The following CR1 variants were observed in gnomAD, a reference collection of about 807,000 sequenced individuals.
CR1 encodes the protein complement receptor type 1.
Under a neutral mutation model 187.3 loss-of-function variants are expected in CR1, and 116 were observed. The observed-to-expected ratio is 0.62, with a 90% confidence interval of 0.53 to 0.72. CR1 has a LOEUF of 0.72. CR1 is among the 30% of genes least tolerant of loss of function. The pLI is 0.00. For missense variants in CR1, 1,731 were observed against 2,110.7 expected (o/e 0.82, Z 3.52); for synonymous variants, 576 against 747.1 (o/e 0.77, Z 3.73).
intron 32 of CR1, among the ~76,000 whole-genome samples, chr1:207,582,903 G>A (rs1319154230): frequency 6.6e-6 from 1 of 152,180 alleles, no homozygotes; most frequent in Non-Finnish European, 1.5e-5. Context: ...GGGAATGGGG[G>A]AAATCAAAAG....
chr1:207,634,168 C>T (rs978402616), intron 46 of CR1, among the ~76,000 whole-genome samples: 6 of 152,206 alleles, frequency 3.9e-5, no homozygotes, highest in Non-Finnish European at 5.9e-5. Context: ...ACAGGGGATG[C>T]GATGGCTTGG....
rs1661059225 is a variant in CR1, at chr1:207,584,733, T to C, written c.5387T>C (p.Ile1796Thr). The change falls in exon 33 of 47, where the codon ATA (isoleucine) becomes ACA (threonine). Residue 1796 changes from isoleucine (I) to threonine (T), a missense_variant. Physicochemically the swap from Ile to Thr is moderately conservative, Grantham distance 89 (BLOSUM62 -1). Around this residue, in one of 5 missense-constraint regions of CR1, gnomAD observed 1,312 missense variants for 1,379.6 expected, o/e 0.95. Coordinates refer to ENST00000367049, the MANE Select transcript of CR1 (RefSeq NM_000651.6). ...PSGDIPYGKE[I>T]SYTCDPHPDR... ...GGAGATATTCCCTATGGAAAAGAAA[T>C]ATCTTACACATGTGACCCCCACCCA... 1.2e-6 allele frequency: 2 copies of C among 1,613,694 alleles called. No individual in the cohort carries two copies. Among genetic ancestry groups the C allele is most frequent in the South Asian group, 1.1e-5 (1 of 91,078 alleles).
intron 29 of CR1, among the ~76,000 whole-genome samples, chr1:207,579,507 G>A (rs904279860): frequency 2.0e-5 from 3 of 152,184 alleles, no homozygotes; most frequent in African/African-American, 7.2e-5. Flanking sequence ...AGCAGATGGC[G>A]ATGAAAGCAA....
At chr1:207,503,049 G>A (rs560205883) in intron 1 of CR1, among the ~76,000 whole-genome samples, 3 of 152,140 alleles carry the variant, frequency 2.0e-5, no homozygotes, top group East Asian at 1.9e-4. Flanking sequence ...CCACTTTAGC[G>A]GAATAATCGA....
rs372603184 is a variant in CR1, at chr1:207,584,831, G to A, written c.5485G>A (p.Val1829Ile). The A allele has an allele frequency of 1.6e-5, 26 of 1,613,844 alleles. No individual in the cohort carries two copies. The highest frequency in any genetic ancestry group is 3.3e-5 in the Admixed American group (2 of 60,004). Residue 1829 changes from valine (V) to isoleucine (I), a missense_variant, in exon 33 of 47, where the codon GTT becomes ATT. Coordinates refer to ENST00000367049, the MANE Select transcript of CR1 (RefSeq NM_000651.6). ...RCTSDPHGNG[V>I]WSSPAPRCEL... ...CACAAGTGACCCTCATGGGAATGGG[G>A]TTTGGAGCAGCCCTGCCCCTCGCTG...
chr1:207,614,585 C>T (rs1662040522), intron 40 of CR1, 96 bp downstream of exon 40: 2 of 907,062 alleles, frequency 2.2e-6, no homozygotes, highest in Non-Finnish European at 3.4e-6. Flanking sequence ...TAGATCTTTA[C>T]TTAACTAAAT....
intron 35 of CR1, among the ~76,000 whole-genome samples, chr1:207,594,413 T>G (rs1196253460): frequency 6.6e-6 from 1 of 152,044 alleles, no homozygotes; most frequent in Non-Finnish European, 1.5e-5. Context: ...TGAGAACACA[T>G]GGACACACCG....
Position 207,618,099 on chromosome 1 carries a change from C to A in CR1, c.6918C>A (p.Asn2306Lys). The change falls in exon 42 of 47, where the codon AAC becomes AAA. Residue 2306 changes from asparagine to lysine, a missense_variant. Asn to Lys is a moderately conservative substitution (Grantham distance 94, BLOSUM62 0). Transcript: ENST00000367049. The part of the protein sequence containing the change: ...AACPHPPKIQ[N>K]GHYIGGHVSL... ...GCCCACATCCACCCAAGATCCAAAA[C>A]GGGCATTACATTGGAGGACACGTAT... 6.2e-7 allele frequency: 1 copy of A among 1,613,366 alleles called. No individual in the cohort carries two copies. The highest frequency in any genetic ancestry group is 8.5e-7 in the Non-Finnish European group (1 of 1,179,644).
chr1:207,568,089 C>T lies in CR1; in HGVS notation c.4171+47C>T. ...TCCCTAATGGGTTCAGAATATCTAA[C>T]CCAGCCCCTCCATATTTCCATAATT... On this transcript the variant is annotated intron_variant, in intron 25 of 46. Transcript: ENST00000367049. 8 of 1,610,656 alleles carry T rather than the reference C, an allele frequency of 5.0e-6. 1 individual carries two copies. The highest frequency in any genetic ancestry group is 5.1e-6 in the Non-Finnish European group (6 of 1,179,566).
chr1:207,516,551 A>G (rs1456547010), intron 4 of CR1, among the ~76,000 whole-genome samples: 1 of 152,190 alleles, frequency 6.6e-6, no homozygotes, highest in Non-Finnish European at 1.5e-5. Context: ...TTGAATTTGT[A>G]TTAAGTTTCT....
intron 35 of CR1, among the ~76,000 whole-genome samples, chr1:207,590,704 AT>A (rs149976816): frequency 0.029 from 4,429 of 152,302 alleles, 214 homozygotes; most frequent in African/African-American, 0.099. Context: ...GGTGTGCTGT[AT>A]TCAGGAGACC....
rs757477710 is a variant in CR1, at chr1:207,588,764, T to C, written c.5800T>C (p.Cys1934Arg). Residue 1934 changes from cysteine (C) to arginine (R), a missense_variant, in exon 35 of 47, where the codon TGT (cysteine) becomes CGT (arginine). Cys to Arg is a radical substitution (Grantham distance 180). Transcript: ENST00000367049. ...TQFGSTVNYSCNEGFRLIGSP... is the reference protein window; with the variant it reads ...TQFGSTVNYSRNEGFRLIGSP... Reference sequence around the variant, plus strand: ...GTTTGGATCAACAGTTAATTATTCTTGTAATGAAGGGTGAGTTGAGAATAC... The same window carrying C: ...GTTTGGATCAACAGTTAATTATTCTCGTAATGAAGGGTGAGTTGAGAATAC... 1 of 1,605,686 alleles carries C rather than the reference T, an allele frequency of 6.2e-7. No homozygotes were observed. The highest frequency in any genetic ancestry group is 1.7e-5 in the Admixed American group (1 of 59,242).
At chr1:207,577,497 C>T (rs565312639) in intron 28 of CR1, among the ~76,000 whole-genome samples, 3 of 152,222 alleles carry the variant, frequency 2.0e-5, no homozygotes, top group East Asian at 1.9e-4. Flanking sequence ...AGGCTGGGCA[C>T]GGTGGCTCAC....
intron 45 of CR1, among the ~76,000 whole-genome samples, chr1:207,627,741 T>C (rs79912099): frequency 6.6e-4 from 101 of 152,326 alleles, no homozygotes; most frequent in African/African-American, 2.4e-3. Flanking sequence ...TAAGACCATG[T>C]CCCTAAAAAA....
rs1161804301 is a variant in CR1 at position 207,628,983 on chromosome 1, T to A, written c.7353-1534T>A. 1.5e-4 allele frequency among the ~76,000 whole-genome samples: 23 copies of A among 152,354 alleles called. No individual in the cohort carries two copies. The East Asian group carries it at 3.7e-3, about 24-fold the overall frequency. On this transcript the variant is annotated intron_variant, in intron 45 of 46. Transcript: ENST00000367049. ...AGTTCTTCCTGTGATTTAATCTCAC[T>A]GCCTTGTTATTTCACTAGTTAAAAA...
chr1:207,511,059 C>T (rs577877947), intron 3 of CR1, among the ~76,000 whole-genome samples: 3 of 152,054 alleles, frequency 2.0e-5, no homozygotes, highest in African/African-American at 7.2e-5. Context: ...TGAGCTCAAG[C>T]AATCCTCTTG....
intron 3 of CR1, among the ~76,000 whole-genome samples, chr1:207,508,828 A>C (rs920764447): frequency 3.3e-5 from 5 of 152,222 alleles, no homozygotes; most frequent in African/African-American, 1.2e-4. Context: ...GGAATGTAGC[A>C]ATCTGTAACC....
intron 36 of CR1, 56 bp downstream of exon 36, chr1:207,607,392 G>T (rs1661784515): frequency 1.1e-5 from 14 of 1,299,174 alleles, no homozygotes; most frequent in Non-Finnish European, 1.5e-5. Flanking sequence ...ACTTGCCCCT[G>T]GAGTACAAAG....
chr1:207,618,732 A>C (rs1054247470), intron 42 of CR1, among the ~76,000 whole-genome samples: 1 of 152,148 alleles, frequency 6.6e-6, no homozygotes, highest in Admixed American at 6.5e-5. Flanking sequence ...AAAAGAAAGT[A>C]AAACAAAGGA....
Sources: allele counts gnomAD v4.1 joint callset (sites outside exome capture counted in the v4.1 genomes callset), GRCh38; gene constraint gnomAD v4.1.1; regional missense constraint gnomAD v4.1.1; transcripts MANE v1.5; gene names NCBI Gene and HGNC (gene_info 2026-07-23, HGNC 2026-07-21).